Variants in PCDH15 observed in about 807,000 individuals in gnomAD.
PCDH15 encodes protocadherin-15.
A neutral mutation model predicts 178.5 loss-of-function variants in PCDH15; 129 were observed. The observed-to-expected ratio is 0.72, with a 90% confidence interval of 0.63 to 0.84. PCDH15 has a LOEUF of 0.84. Ranked by LOEUF, PCDH15 falls within the 40% of genes least tolerant of loss-of-function variation. The pLI, the probability that PCDH15 is intolerant of heterozygous loss-of-function variation, is 0.00. For missense variants in PCDH15, 2,230 were observed against 2,099.9 expected, an observed-to-expected ratio of 1.06 and a Z score of -1.21; for synonymous variants, 800 against 732.0, an observed-to-expected ratio of 1.09 and a Z score of -1.50.
intron 2 of PCDH15, among the ~76,000 whole-genome samples, chr10:55,056,407 CT>C (rs1007065599): frequency 6.6e-6 from 1 of 151,764 alleles, no homozygotes; most frequent in African/African-American, 2.4e-5. Context: ...GTTTTTGTAC[CT>C]TTTATTAAAA....
chr10:54,543,550 A>G (rs1235603397), intron 2 of PCDH15, among the ~76,000 whole-genome samples: 2 of 152,216 alleles, frequency 1.3e-5, no homozygotes, highest in Non-Finnish European at 2.9e-5. Flanking sequence ...ACAATAAAGA[A>G]GTGACAAGGG....
intron 2 of PCDH15, chr10:55,512,818 G>A (rs1178340106): frequency 1.3e-5 from 2 of 152,116 alleles, no homozygotes; most frequent in Non-Finnish European, 1.5e-5. Flanking sequence ...AGAAGGAGAA[G>A]TAATTAAATA....
intron 2 of PCDH15, among the ~76,000 whole-genome samples, chr10:55,595,539 T>G (rs1375691121): frequency 6.6e-6 from 1 of 152,106 alleles, no homozygotes; most frequent in Non-Finnish European, 1.5e-5. Flanking sequence ...ACATCAGTAT[T>G]TTTAAAAACT....
At chr10:54,301,679 T>C (rs55979472) in intron 8 of PCDH15, among the ~76,000 whole-genome samples, 16,676 of 152,108 alleles carry the variant, frequency 0.11, 970 homozygotes, top group Middle Eastern at 0.19. Flanking sequence ...TGCTTCCAGG[T>C]GATGAATTTG....
At chr10:55,035,318 C>A (rs1922166) in intron 2 of PCDH15, among the ~76,000 whole-genome samples, 86,672 of 151,824 alleles carry the variant, frequency 0.57, 25,066 homozygotes, top group East Asian at 0.75. Flanking sequence ...AACCCATTAC[C>A]CTGTCCCAAA....
At chr10:55,129,755 T>C (rs1425541628) in intron 2 of PCDH15, among the ~76,000 whole-genome samples, 1 of 152,156 alleles carries the variant, frequency 6.6e-6, no homozygotes, top group Non-Finnish European at 1.5e-5. Flanking sequence ...ATTCGTTGAT[T>C]TACCAGATAT....
At chr10:53,811,269 G>A (rs1412993374) in intron 36 of PCDH15, among the ~76,000 whole-genome samples, 1 of 152,038 alleles carries the variant, frequency 6.6e-6, no homozygotes, top group Admixed American at 6.6e-5. Flanking sequence ...GAGCAAATAT[G>A]TTTCACATCT....
chr10:54,174,473 T>C (rs2047220910), intron 13 of PCDH15, among the ~76,000 whole-genome samples: 1 of 151,796 alleles, frequency 6.6e-6, no homozygotes, highest in Non-Finnish European at 1.5e-5. Flanking sequence ...AGGCGGAGCT[T>C]GCAGTGAGCT....
chr10:55,059,341 A>G (rs1470600321), intron 2 of PCDH15, among the ~76,000 whole-genome samples: 1 of 152,208 alleles, frequency 6.6e-6, no homozygotes, highest in African/African-American at 2.4e-5. Context: ...TGTTGCTCAA[A>G]GACAATCCAT....
chr10:54,213,669 A>T (rs1377471157), intron 10 of PCDH15, among the ~76,000 whole-genome samples: 1 of 152,180 alleles, frequency 6.6e-6, no homozygotes, highest in Non-Finnish European at 1.5e-5. Context: ...TGAATTGTGT[A>T]GAATTGTATA....
intron 2 of PCDH15, among the ~76,000 whole-genome samples, chr10:55,577,114 C>G (rs371622441): frequency 1.3e-5 from 2 of 151,752 alleles, no homozygotes; most frequent in African/African-American, 4.8e-5. Flanking sequence ...TGGTGTTGCA[C>G]GCCTGTAGTC....
intron 1 of PCDH15, among the ~76,000 whole-genome samples, chr10:55,309,288 G>C (rs1299817208): frequency 6.6e-6 from 1 of 152,134 alleles, no homozygotes; most frequent in Non-Finnish European, 1.5e-5. Flanking sequence ...AGCTGAGACA[G>C]GAGAATCGCT....
chr10:55,173,307 T>TTGTGTG (rs778106530), intron 1 of PCDH15, among the ~76,000 whole-genome samples: 9 of 64,096 alleles, frequency 1.4e-4, no homozygotes, highest in Middle Eastern at 7.4e-3. Context: ...ATTAGAAAGA[T>TTGTGTG]TATGTGTGTG....
chr10:55,307,016 A>T (rs1229253780), intron 1 of PCDH15, among the ~76,000 whole-genome samples: 1 of 152,078 alleles, frequency 6.6e-6, no homozygotes, highest in African/African-American at 2.4e-5. Flanking sequence ...GTATATATAC[A>T]TTAAGCTTCC....
chr10:55,542,142 AT>A (rs973794942), intron 2 of PCDH15, among the ~76,000 whole-genome samples: 7 of 151,554 alleles, frequency 4.6e-5, no homozygotes, highest in African/African-American at 1.7e-4. Flanking sequence ...TTATATATAT[AT>A]GTCTATATAT....
intron 1 of PCDH15, among the ~76,000 whole-genome samples, chr10:54,782,703 T>A (rs1950492742): frequency 6.6e-6 from 1 of 152,062 alleles, no homozygotes. Context: ...ACCTAAGAAC[T>A]AGCCCACCAA....
chr10:54,730,970 A>G (rs2132648475), intron 1 of PCDH15, among the ~76,000 whole-genome samples: 1 of 151,588 alleles, frequency 6.6e-6, no homozygotes, highest in Non-Finnish European at 1.5e-5. Context: ...GAAAGTAAAG[A>G]GACAGCCAGA....
chr10:54,619,826 T>C (rs1409454997), intron 2 of PCDH15, among the ~76,000 whole-genome samples: 1 of 152,062 alleles, frequency 6.6e-6, no homozygotes, highest in Non-Finnish European at 1.5e-5. Flanking sequence ...TAATCTGTGT[T>C]CTAAATCTGG....
At chr10:54,692,496 G>A (rs757599297) in intron 1 of PCDH15, among the ~76,000 whole-genome samples, 2 of 152,196 alleles carry the variant, frequency 1.3e-5, no homozygotes, top group East Asian at 1.9e-4. Flanking sequence ...CTTTGTACAC[G>A]AAATCTAACT....
Sources: gnomAD v4.1 joint callset for allele counts (sites outside exome capture counted in the v4.1 genomes callset) on GRCh38, gnomAD v4.1.1 for gene constraint, MANE v1.5 for transcripts, NCBI Gene and HGNC (gene_info 2026-07-23, HGNC 2026-07-21) for gene names.